The following WTIP variants were observed in gnomAD, a reference collection of about 807,000 sequenced individuals.
WTIP encodes the protein Wilms tumor protein 1-interacting protein.
In WTIP, 23 loss-of-function variants were observed where a neutral mutation model predicts 41.7. That is an observed-to-expected ratio of 0.55 (90% CI 0.40 to 0.78). The LOEUF (loss-of-function observed/expected upper bound fraction) is 0.78. WTIP is among the 30% of genes least tolerant of loss of function. The pLI, the probability that WTIP is intolerant of heterozygous loss-of-function variation, is 0.00. For missense variants in WTIP, 619 were observed against 610.5 expected (o/e 1.01, Z -0.15); for synonymous variants, 314 against 269.9 (o/e 1.16, Z -1.60).
chr19:34,490,542 C>G, intron 2 of WTIP, 65 bp downstream of exon 2: 1 of 1,497,928 alleles, frequency 6.7e-7, no homozygotes, highest in South Asian at 1.1e-5. Context: ...CCATTCCCCT[C>G]AAACTGCCTT....
intron 7 of WTIP, among the ~76,000 whole-genome samples, chr19:34,496,684 G>C (rs2075855727): frequency 6.6e-6 from 1 of 151,780 alleles, no homozygotes; most frequent in Non-Finnish European, 1.5e-5. Flanking sequence ...TTGGGGGTTG[G>C]GGGTTGGGAG....
chr19:34,485,504 C>G (rs2075792696), intron 1 of WTIP, among the ~76,000 whole-genome samples: 1 of 152,158 alleles, frequency 6.6e-6, no homozygotes, highest in African/African-American at 2.4e-5. Flanking sequence ...AATAATACAG[C>G]ATTTTACAAA....
rs12609305 is a variant in WTIP at position 34,481,987 on chromosome 19, A to T, written c.13A>T (p.Arg5Trp). Residue 5 changes from arginine (R) to tryptophan (W), a missense_variant, in exon 1 of 8, where the codon AGG becomes TGG. This residue lies in a region of WTIP where 363 missense variants were observed against 309.0 expected (regional missense o/e 1.17). Coordinates refer to ENST00000590071, the MANE Select transcript of WTIP (RefSeq NM_001080436.2). The stretch of plus-strand genomic sequence containing the variant: ...GGCGGGCCGGGCCATGCAGCGCTCC[A>T]GGGCGGGCGCGGACGAGGCGGCCCT... Reference protein sequence around the residue: MQRSRAGADEAALLL... With the variant: MQRSWAGADEAALLL... The T allele has an allele frequency of 8.9e-6, 9 of 1,010,228 alleles. No individual in the cohort carries two copies. Among genetic ancestry groups the T allele is most frequent in the African/African-American group, 7.0e-5 (4 of 57,294 alleles). The allele number at this position is 1,010,228 out of a possible 1,614,324, so 62.6% of individuals were successfully genotyped here.
At chr19:34,484,921 T>C (rs1422689192) in intron 1 of WTIP, among the ~76,000 whole-genome samples, 1 of 134,970 alleles carries the variant, frequency 7.4e-6, no homozygotes, top group African/African-American at 2.9e-5. Context: ...CAGAGTGAGA[T>C]CCTGTCTTTT....
chr19:34,492,434 G>A (rs1265997987), intron 2 of WTIP, among the ~76,000 whole-genome samples: 2 of 150,066 alleles, frequency 1.3e-5, no homozygotes, highest in South Asian at 2.1e-4. Flanking sequence ...AGGCTGCAGT[G>A]AGCCATGATT....
At position 34,500,224 on chromosome 19, in the gene WTIP, A is replaced by G. The variant is rs1412764169; in HGVS notation, c.1248A>G (p.Gln416=). Residue 416 remains glutamine (Q), a synonymous_variant, in exon 8 of 8, where the codon CAA becomes CAG. Coordinates refer to ENST00000590071, the MANE Select transcript of WTIP (RefSeq NM_001080436.2). ...LCRRCHLRRL[Q]PGPLPSPTVH... Reference sequence around the variant, plus strand: ...GTCGTTGCCACCTGCGGCGCCTCCAACCTGGGCCTCTTCCCTCACCCACTG... The same window carrying G: ...GTCGTTGCCACCTGCGGCGCCTCCAGCCTGGGCCTCTTCCCTCACCCACTG... 12 of 1,607,404 alleles carry G rather than the reference A, an allele frequency of 7.5e-6. No individual in the cohort carries two copies. The highest frequency in any genetic ancestry group is 9.3e-6 in the Non-Finnish European group (11 of 1,179,434).
intron 1 of WTIP, among the ~76,000 whole-genome samples, chr19:34,489,512 G>A (rs1327496995): frequency 1.3e-5 from 2 of 152,144 alleles, no homozygotes; most frequent in Non-Finnish European, 2.9e-5. Flanking sequence ...GTGCCCATGT[G>A]GTCTTCATTC....
intron 1 of WTIP, among the ~76,000 whole-genome samples, chr19:34,485,698 A>G (rs1307568351): frequency 6.6e-6 from 1 of 151,968 alleles, no homozygotes; most frequent in African/African-American, 2.4e-5. Context: ...GGCTTAAGCA[A>G]TCCTCCTGCT....
intron 1 of WTIP, among the ~76,000 whole-genome samples, chr19:34,488,922 G>A (rs1265817204): frequency 6.7e-6 from 1 of 148,756 alleles, no homozygotes; most frequent in Non-Finnish European, 1.5e-5. Context: ...AAAAGGCCGG[G>A]AGCAGTGGCT....
chr19:34,498,522 T>C (rs1175632790), intron 7 of WTIP: 1 of 152,344 alleles, frequency 6.6e-6, no homozygotes, highest in Non-Finnish European at 1.5e-5. Flanking sequence ...TCCCACCTCC[T>C]CATGGAAGGT....
chr19:34,494,648 C>A lies in WTIP; in HGVS notation c.1083+11C>A. 2.5e-6 allele frequency: 4 copies of A among 1,612,688 alleles called. No homozygotes were observed. The South Asian group carries it at 3.3e-5, about 13-fold the overall frequency. ...ATCCTCCCTGCACAGGTAGGAGCCA[C>A]TCACCCAGAGATGATCAGGTGCCTG... On this transcript the variant is annotated intron_variant, in intron 6 of 7. Transcript: ENST00000590071.
chr19:34,496,801 G>A (rs1024619249), intron 7 of WTIP, among the ~76,000 whole-genome samples: 1 of 152,066 alleles, frequency 6.6e-6, no homozygotes, highest in Non-Finnish European at 1.5e-5. Flanking sequence ...GTGGGCGGGG[G>A]TTCAGCGACC....
rs1378698355 is a variant in WTIP at position 34,504,868 on chromosome 19, ACTTCCG to A, written c.*4600_*4605del. 6.6e-6 allele frequency: 1 copy of A among 152,144 alleles called. No individual in the cohort carries two copies. The highest frequency in any genetic ancestry group is 6.5e-5 in the Admixed American group (1 of 15,286). 9.4% of individuals were successfully genotyped at this position (152,144 alleles called of 1,614,324 possible). On this transcript the variant is annotated 3_prime_UTR_variant, in exon 8 of 8. Coordinates refer to ENST00000590071, the MANE Select transcript of WTIP (RefSeq NM_001080436.2). ...TCATCTGGCCAGGAGGCCAGCAAGG[ACTTCCG>A]GTGCCACACTCGGGAGGGGTGAGGG...
chr19:34,498,303 C>T (rs531745008), intron 7 of WTIP, among the ~76,000 whole-genome samples: 11 of 152,222 alleles, frequency 7.2e-5, no homozygotes, highest in South Asian at 2.1e-4. Context: ...TCAGACCACC[C>T]GGGGGTGGCA....
rs572875862 is a variant in WTIP at position 34,500,894 on chromosome 19, G to C, written c.*625G>C. On this transcript the variant is annotated 3_prime_UTR_variant, in exon 8 of 8. Transcript: ENST00000590071. ...GGGAATTGGTCCTGGGGACTTTGAT[G>C]GGTGTTTGCGGCCCCAGTTGCCGCC... The C allele has an allele frequency of 6.6e-6, 1 of 152,508 alleles. No individual in the cohort carries two copies. The highest frequency in any genetic ancestry group is 1.9e-4 in the East Asian group (1 of 5,168). The allele number at this position is 152,508 out of a possible 1,614,324, so 9.4% of individuals were successfully genotyped here.
At position 34,481,889 on chromosome 19, in the gene WTIP, C is replaced by A; in HGVS notation, c.-86C>A. 8.2e-6 allele frequency: 7 copies of A among 850,490 alleles called. No individual in the cohort carries two copies. Among genetic ancestry groups the A allele is most frequent in the Non-Finnish European group, 9.9e-6 (7 of 708,430 alleles). The allele number at this position is 850,490 out of a possible 1,614,324, so 52.7% of individuals were successfully genotyped here. ...CAGGGGTCCCGGGGCGGGCTCCGGG[C>A]TTCGGGCGGACGATGCGGCGGCCCG... On this transcript the variant is annotated 5_prime_UTR_variant, in exon 1 of 8. Coordinates refer to ENST00000590071, the MANE Select transcript of WTIP (RefSeq NM_001080436.2).
chr19:34,495,597 T>TGCAC (rs1269676026), intron 6 of WTIP, 106 bp from the exon 7 acceptor site: 2 of 1,310,754 alleles, frequency 1.5e-6, no homozygotes, highest in African/African-American at 2.9e-5. Flanking sequence ...GGGGCGGGCG[T>TGCAC]GCACCTCCGC....
chr19:34,500,015 T>A, intron 7 of WTIP, 114 bp from the exon 8 acceptor site: 1 of 1,432,978 alleles, frequency 7.0e-7, no homozygotes, highest in East Asian at 2.4e-5. Context: ...AGTCTTCATG[T>A]TGTTTTGCGG....
At chr19:34,488,471 T>C (rs1465858651) in intron 1 of WTIP, among the ~76,000 whole-genome samples, 1 of 152,104 alleles carries the variant, frequency 6.6e-6, no homozygotes, top group Non-Finnish European at 1.5e-5. Context: ...GCTTAAGTGA[T>C]CCTCCTGCCT....
Sources: allele counts gnomAD v4.1 joint callset (sites outside exome capture counted in the v4.1 genomes callset), GRCh38; gene constraint gnomAD v4.1.1; regional missense constraint gnomAD v4.1.1; transcripts MANE v1.5; gene names NCBI Gene and HGNC (gene_info 2026-07-23, HGNC 2026-07-21).